The following PDIA5 variants were observed in gnomAD, a reference collection of about 807,000 sequenced individuals.
The protein encoded by PDIA5 is protein disulfide isomerase family A member 5, also known as protein disulfide-isomerase A5.
Under a neutral mutation model 77.6 loss-of-function variants are expected in PDIA5, and 58 were observed. The ratio of observed to expected loss-of-function variants is 0.75; its 90% confidence interval spans 0.61 to 0.93. PDIA5 has a LOEUF of 0.93. Among genes scored for constraint, PDIA5 ranks in the 40% least tolerant of loss-of-function variants. PDIA5 has a pLI of 0.00. For synonymous variants in PDIA5, 250 were observed against 252.1 expected (o/e 0.99, Z 0.08); for missense variants, 630 against 647.7 (o/e 0.97, Z 0.30).
intron 1 of PDIA5, among the ~76,000 whole-genome samples, chr3:123,073,141 T>G (rs1576430196): frequency 1.3e-5 from 2 of 152,336 alleles, no homozygotes; most frequent in Middle Eastern, 6.8e-3. Flanking sequence ...CTTGAGAGTT[T>G]GCAAAGCATT....
chr3:123,091,546 A>G (rs1230314072), intron 2 of PDIA5, among the ~76,000 whole-genome samples: 3 of 152,146 alleles, frequency 2.0e-5, no homozygotes, highest in Non-Finnish European at 4.4e-5. Context: ...CTGGCCACAG[A>G]GGCTCTGTCC....
At position 123,117,327 on chromosome 3, in the gene PDIA5, A is replaced by G. The variant is rs904974568; in HGVS notation, c.609+1029A>G. Among the ~76,000 whole-genome samples the G allele has an allele frequency of 6.0e-5, 8 of 134,344 alleles. No homozygotes were observed. The Admixed American group carries it at 6.3e-4, about 11-fold the overall frequency. The allele number at this position is 134,344 out of a possible 152,430, so 88.1% of individuals were successfully genotyped here. A position where few individuals can be genotyped will look rare whatever the true frequency, so the allele number is the denominator to read the frequency against. On this transcript the variant is annotated intron_variant, in intron 8 of 16. Transcript: ENST00000316218. Reference sequence around the variant, plus strand: ...AATATGAATTCTGCCTTCCCACCCCACTCCTGACCTTGATAAACTGCCTTT... The same window carrying G: ...AATATGAATTCTGCCTTCCCACCCCGCTCCTGACCTTGATAAACTGCCTTT...
At chr3:123,113,912 G>C (rs1486978456) in intron 7 of PDIA5, among the ~76,000 whole-genome samples, 1 of 152,200 alleles carries the variant, frequency 6.6e-6, no homozygotes, top group African/African-American at 2.4e-5. Context: ...ATGATAATTA[G>C]TCTTACCTCT....
At chr3:123,081,475 G>A (rs1392295605) in intron 1 of PDIA5, among the ~76,000 whole-genome samples, 1 of 152,168 alleles carries the variant, frequency 6.6e-6, no homozygotes. Flanking sequence ...TTTTCCCTGA[G>A]TCCCTTTCGT....
At chr3:123,155,182 T>G (rs1935993105) in intron 15 of PDIA5, 141 bp downstream of exon 15, 2 of 673,978 alleles carry the variant, frequency 3.0e-6, no homozygotes, top group Non-Finnish European at 5.4e-6. Flanking sequence ...CAGGACATTC[T>G]CTTTAGAAGG....
intron 1 of PDIA5, among the ~76,000 whole-genome samples, chr3:123,068,054 A>G (rs1933625465): frequency 6.6e-6 from 1 of 152,142 alleles, no homozygotes; most frequent in Non-Finnish European, 1.5e-5. Context: ...CTGCCGGCCC[A>G]GGTCTGGGGT....
intron 3 of PDIA5, among the ~76,000 whole-genome samples, chr3:123,099,353 C>A (rs886220540): frequency 8.2e-4 from 125 of 152,336 alleles, no homozygotes; most frequent in African/African-American, 2.9e-3. Context: ...GATAGCTGTG[C>A]ACAAAACCAA....
At chr3:123,089,638 TG>T (rs1934234387) in intron 2 of PDIA5, among the ~76,000 whole-genome samples, 1 of 152,236 alleles carries the variant, frequency 6.6e-6, no homozygotes, top group Non-Finnish European at 1.5e-5. Context: ...TGCACAGGCA[TG>T]GGGCCGAGCC....
intron 1 of PDIA5, among the ~76,000 whole-genome samples, chr3:123,070,933 T>A (rs1933708827): frequency 6.6e-6 from 1 of 151,946 alleles, no homozygotes. Flanking sequence ...AAAAATGGTG[T>A]ATTTTTTTGT....
chr3:123,100,865 T>C (rs1461172909), intron 3 of PDIA5, among the ~76,000 whole-genome samples: 1 of 152,198 alleles, frequency 6.6e-6, no homozygotes, highest in Non-Finnish European at 1.5e-5. Flanking sequence ...AGGTGAGGCA[T>C]GTAAGCAACT....
At chr3:123,131,059 G>C (rs2137082) in intron 11 of PDIA5, among the ~76,000 whole-genome samples, 63,909 of 151,974 alleles carry the variant, frequency 0.42, 14,941 homozygotes, top group Admixed American at 0.53. Context: ...ATTGTTTAAG[G>C]CCAGGAGTTC....
Position 123,130,464 on chromosome 3 carries a change from GT to G in PDIA5, c.774-11del. ...CCAGGGCCTGCTCTGAGCTCTGCCT[GT>G]TTTTGGTCTTCCAGTCCGCAGCCGC... On this transcript the variant is annotated splice_polypyrimidine_tract_variant and intron_variant, in intron 10 of 16. Transcript: ENST00000316218. 1.2e-6 allele frequency: 2 copies of G among 1,611,220 alleles called. No homozygotes were observed. Among genetic ancestry groups the G allele is most frequent in the Admixed American group, 1.7e-5 (1 of 59,750 alleles).
At chr3:123,159,744 C>T (rs1936112411) in intron 15 of PDIA5, among the ~76,000 whole-genome samples, 1 of 152,178 alleles carries the variant, frequency 6.6e-6, no homozygotes, top group African/African-American at 2.4e-5. Flanking sequence ...TAGAATGTTA[C>T]ATAGCTGAAG....
rs1048864790 is a variant in PDIA5, at chr3:123,150,229, T to G, written c.1143-5T>G. The G allele has an allele frequency of 3.7e-6, 6 of 1,609,678 alleles. No homozygotes were observed. In the African/African-American group the frequency reaches 4.0e-5, roughly 11 times the overall value. Reference sequence around the variant, plus strand: ...CTGCCTCCCCACTCCCCTGGCTTCTTGCAGCCCTGAGGCCCCCCCGCCCCC... The same window carrying G: ...CTGCCTCCCCACTCCCCTGGCTTCTGGCAGCCCTGAGGCCCCCCCGCCCCC... On this transcript the variant is annotated splice_polypyrimidine_tract_variant and splice_region_variant and intron_variant, in intron 13 of 16. Coordinates refer to ENST00000316218, the MANE Select transcript of PDIA5 (RefSeq NM_006810.4).
intron 15 of PDIA5, among the ~76,000 whole-genome samples, chr3:123,156,966 C>T (rs941567866): frequency 2.0e-5 from 3 of 152,202 alleles, no homozygotes; most frequent in African/African-American, 7.2e-5. Context: ...TCTTCCCATT[C>T]CCCCTGCACT....
chr3:123,110,608 G>A (rs550670238), intron 6 of PDIA5, among the ~76,000 whole-genome samples: 4 of 152,302 alleles, frequency 2.6e-5, no homozygotes, highest in African/African-American at 9.6e-5. Flanking sequence ...AACTGTTCAG[G>A]TGGAGCTGAA....
At chr3:123,082,791 G>T (rs1934042504) in intron 1 of PDIA5, among the ~76,000 whole-genome samples, 1 of 152,164 alleles carries the variant, frequency 6.6e-6, no homozygotes, top group African/African-American at 2.4e-5. Context: ...CACTCTGCAA[G>T]GTGGGCATTG....
intron 13 of PDIA5, among the ~76,000 whole-genome samples, chr3:123,149,462 A>G (rs1049107265): frequency 5.3e-5 from 8 of 152,188 alleles, no homozygotes; most frequent in Non-Finnish European, 1.0e-4. Context: ...AAATACTCCC[A>G]AGAAGGGGAG....
intron 1 of PDIA5, among the ~76,000 whole-genome samples, chr3:123,082,548 T>C (rs1051942959): frequency 1.3e-5 from 2 of 151,070 alleles, no homozygotes; most frequent in Admixed American, 6.6e-5. Flanking sequence ...TGATTTGAGG[T>C]TTTCTGGTGG....
Sources: allele counts gnomAD v4.1 joint callset (sites outside exome capture counted in the v4.1 genomes callset), GRCh38; gene constraint gnomAD v4.1.1; transcripts MANE v1.5; gene names NCBI Gene and HGNC (gene_info 2026-07-23, HGNC 2026-07-21).